POU2AF1: variants seen among roughly 807,000 people sequenced by gnomAD.
The protein encoded by POU2AF1 is POU domain class 2-associating factor 1.
Under a neutral mutation model 26.3 loss-of-function variants are expected in POU2AF1, and 12 were observed. That is an observed-to-expected ratio of 0.46 (90% CI 0.29 to 0.74). POU2AF1 has a LOEUF of 0.74. Ranked by LOEUF, POU2AF1 falls within the 30% of genes least tolerant of loss-of-function variation. The pLI is 0.09. For missense variants in POU2AF1, 297 were observed against 334.5 expected (o/e 0.89, Z 0.87); for synonymous variants, 175 against 148.0 (o/e 1.18, Z -1.32).
chr11:111,352,264 A>G lies in POU2AF1; in HGVS notation c.*1997T>C, dbSNP rs1236203525. On this transcript the variant is annotated 3_prime_UTR_variant, in exon 5 of 5. Coordinates refer to ENST00000393067, the MANE Select transcript of POU2AF1 (RefSeq NM_006235.3). ...ATCCAAAACAGACAACTTTCTCCAGAGTTTTTATTTAAAGTGGGCAAAGAA... is the reference window on the plus strand; with the variant it reads ...ATCCAAAACAGACAACTTTCTCCAGGGTTTTTATTTAAAGTGGGCAAAGAA... 5.6e-6 allele frequency: 1 copy of G among 178,520 alleles called. No individual in the cohort carries two copies. Among genetic ancestry groups the G allele is most frequent in the Non-Finnish European group, 1.2e-5 (1 of 83,172 alleles). The allele number at this position is 178,520 out of a possible 1,614,324, so 11.1% of individuals were successfully genotyped here.
intron 1 of POU2AF1, among the ~76,000 whole-genome samples, chr11:111,371,441 G>A (rs1234591890): frequency 6.6e-6 from 1 of 152,060 alleles, no homozygotes; most frequent in East Asian, 1.9e-4. Context: ...ACAAACACGA[G>A]TTTGCCAGTC....
At chr11:111,361,694 C>A (rs1012276790) in intron 1 of POU2AF1, among the ~76,000 whole-genome samples, 2 of 152,208 alleles carry the variant, frequency 1.3e-5, no homozygotes, top group Non-Finnish European at 2.9e-5. Flanking sequence ...TATTTCCCTC[C>A]ATTACCTTCT....
chr11:111,361,143 A>G (rs1442254763), intron 1 of POU2AF1, among the ~76,000 whole-genome samples: 1 of 152,170 alleles, frequency 6.6e-6, no homozygotes. Flanking sequence ...TCTAGTGCCT[A>G]GGAGTACAGC....
chr11:111,358,885 C>T lies in POU2AF1; in HGVS notation c.50G>A (p.Arg17Gln). ...CTTCACACGGACGCCCTGGTATGGCCGGGCCGGGGCTGGGGCTTGCTCCGG... is the reference window on the plus strand; with the variant it reads ...CTTCACACGGACGCCCTGGTATGGCTGGGCCGGGGCTGGGGCTTGCTCCGG... ...TAPEQAPAPA[R>Q]PYQGVRVKEP... Residue 17 changes from arginine (R) to glutamine (Q), a missense_variant, in exon 2 of 5, where the codon CGG becomes CAG. Arg to Gln is a conservative substitution (Grantham distance 43). Coordinates refer to ENST00000393067, the MANE Select transcript of POU2AF1 (RefSeq NM_006235.3). 6.2e-7 allele frequency: 1 copy of T among 1,607,630 alleles called. No individual in the cohort carries two copies. The highest frequency in any genetic ancestry group is 1.3e-5 in the African/African-American group (1 of 75,044).
chr11:111,372,351 T>G (rs963724654), intron 1 of POU2AF1, among the ~76,000 whole-genome samples: 6 of 152,144 alleles, frequency 3.9e-5, no homozygotes, highest in African/African-American at 1.4e-4. Context: ...CTTCAACAGG[T>G]AAGCTGAAGT....
intron 1 of POU2AF1, among the ~76,000 whole-genome samples, chr11:111,372,065 CACACAG>C (rs1240481977): frequency 8.3e-5 from 12 of 144,766 alleles, no homozygotes; most frequent in African/African-American, 2.1e-4. Context: ...CACACACACA[CACACAG>C]AGAGAGAGAG....
chr11:111,376,523 G>A lies in POU2AF1; in HGVS notation c.16+2639C>T, dbSNP rs1422336682. ...AGATTTCTACTTCTCTGTGCCAGCAGTTCTGGGCTTTGTCACTTTATGCTC... is the reference window on the plus strand; with the variant it reads ...AGATTTCTACTTCTCTGTGCCAGCAATTCTGGGCTTTGTCACTTTATGCTC... On this transcript the variant is annotated intron_variant, in intron 1 of 4. Coordinates refer to ENST00000393067, the MANE Select transcript of POU2AF1 (RefSeq NM_006235.3). Among the ~76,000 whole-genome samples the A allele has an allele frequency of 2.0e-5, 3 of 152,222 alleles. No homozygotes were observed. The East Asian group carries it at 5.8e-4, about 29-fold the overall frequency.
intron 2 of POU2AF1, among the ~76,000 whole-genome samples, chr11:111,358,109 C>T (rs1404763898): frequency 2.0e-5 from 3 of 152,090 alleles, no homozygotes; most frequent in Admixed American, 6.5e-5. Context: ...GCAAGTCATT[C>T]GCTCACTCAG....
chr11:111,358,420 G>A (rs115201409), intron 2 of POU2AF1, among the ~76,000 whole-genome samples: 1,306 of 56,964 alleles, frequency 0.023, 54 homozygotes, highest in African/African-American at 0.065. Flanking sequence ...TCACACACAC[G>A]CTCACACTCT....
chr11:111,359,214 A>C, intron 1 of POU2AF1: 1 of 424,032 alleles, frequency 2.4e-6, no homozygotes, highest in Non-Finnish European at 4.2e-6. Context: ...TACTACACAA[A>C]CCCTGTCTCC....
At chr11:111,373,867 A>G (rs1408716503) in intron 1 of POU2AF1, among the ~76,000 whole-genome samples, 1 of 152,216 alleles carries the variant, frequency 6.6e-6, no homozygotes, top group African/African-American at 2.4e-5. Context: ...AGAAAACTAG[A>G]GTGTTATTAA....
At chr11:111,364,986 T>G (rs1861077980) in intron 1 of POU2AF1, among the ~76,000 whole-genome samples, 1 of 152,184 alleles carries the variant, frequency 6.6e-6, no homozygotes, top group Admixed American at 6.5e-5. Flanking sequence ...TTAAGCAATA[T>G]CTAATTTTGG....
At chr11:111,365,213 G>A (rs944018563) in intron 1 of POU2AF1, among the ~76,000 whole-genome samples, 5 of 152,150 alleles carry the variant, frequency 3.3e-5, no homozygotes, top group Admixed American at 2.0e-4. Context: ...GAGACATCAC[G>A]GCCGGTCAAG....
intron 1 of POU2AF1, among the ~76,000 whole-genome samples, chr11:111,372,055 C>CAGAGAGAGAGAGAG (rs1469970188): frequency 7.3e-6 from 1 of 137,614 alleles, no homozygotes; most frequent in Non-Finnish European, 1.5e-5. Flanking sequence ...CACACACACA[C>CAGAGAGAGAGAGAG]ACACACACAC....
In POU2AF1 at chr11:111,358,689, T is replaced by A. The variant is rs527789936; in HGVS notation, c.147+99A>T. The A allele has an allele frequency of 1.7e-4, 226 of 1,310,040 alleles. No individual in the cohort carries two copies. In the African/African-American group the frequency reaches 4.0e-3, roughly 23 times the overall value. The allele number at this position is 1,310,040 out of a possible 1,614,324, so 81.2% of individuals were successfully genotyped here. ...ACACACAAACACATACACACACGCA[T>A]ACACATACTCACACACACATACACT... is the stretch of plus-strand genomic sequence containing the variant. On this transcript the variant is annotated intron_variant, in intron 2 of 4. Coordinates refer to ENST00000393067, the MANE Select transcript of POU2AF1 (RefSeq NM_006235.3).
intron 1 of POU2AF1, among the ~76,000 whole-genome samples, chr11:111,369,850 T>G (rs529384719): frequency 1.3e-5 from 2 of 152,292 alleles, no homozygotes; most frequent in African/African-American, 4.8e-5. Flanking sequence ...AATCTAGAAT[T>G]GCCCATCTGA....
chr11:111,363,622 C>T (rs994987268), intron 1 of POU2AF1, among the ~76,000 whole-genome samples: 4 of 152,018 alleles, frequency 2.6e-5, no homozygotes, highest in African/African-American at 7.2e-5. Flanking sequence ...AACTGGAATA[C>T]GTAAAAGAAA....
At chr11:111,366,765 T>C (rs1376283733) in intron 1 of POU2AF1, among the ~76,000 whole-genome samples, 1 of 152,010 alleles carries the variant, frequency 6.6e-6, no homozygotes, top group African/African-American at 2.4e-5. Flanking sequence ...TCTTAAAGTA[T>C]GTTGGAGGTG....
rs548229495 is a variant in POU2AF1, at chr11:111,379,028, G to T, written c.16+134C>A. 2,477 of 612,116 alleles carry T rather than the reference G, an allele frequency of 4.0e-3. 22 individuals carry two copies. Among genetic ancestry groups the T allele is most frequent in the South Asian group, 0.023 (1,049 of 45,688 alleles). 37.9% of individuals were successfully genotyped at this position (612,116 alleles called of 1,614,324 possible). A position where few individuals can be genotyped will look rare whatever the true frequency, so the allele number is the denominator to read the frequency against. On this transcript the variant is annotated intron_variant, in intron 1 of 4. Coordinates refer to ENST00000393067, the MANE Select transcript of POU2AF1 (RefSeq NM_006235.3). ...CCCACCTCCCCCCTCCCTGCTCCGG[G>T]GCTTGGAACCCAGACCCCCTCCCCC...
Sources: allele counts gnomAD v4.1 joint callset (sites outside exome capture counted in the v4.1 genomes callset), GRCh38; gene constraint gnomAD v4.1.1; transcripts MANE v1.5; gene names NCBI Gene and HGNC (gene_info 2026-07-23, HGNC 2026-07-21).